The following ZNF738 variants were observed in gnomAD, a reference collection of about 807,000 sequenced individuals.
ZNF738 encodes protein ZNF738.
In ZNF738, 10 loss-of-function variants were observed where a neutral mutation model predicts 9.2. That is an observed-to-expected ratio of 1.09 (90% confidence interval 0.67 to 1.85). The LOEUF is 1.85. Among genes scored for constraint, ZNF738 ranks in the 40% most tolerant of loss-of-function variants. The pLI, the probability that ZNF738 is intolerant of heterozygous loss-of-function variation, is 0.00. For missense variants in ZNF738, 346 were observed against 283.6 expected (o/e 1.22, Z -1.58); for synonymous variants, 113 against 94.5 (o/e 1.20, Z -1.14).
In ZNF738 at chr19:21,361,870, A is replaced by G; in HGVS notation, c.96+12A>G. 1 of 771,028 alleles carries G rather than the reference A, an allele frequency of 1.3e-6. No homozygotes were observed. Among genetic ancestry groups the G allele is most frequent in the Non-Finnish European group, 2.4e-6 (1 of 414,760 alleles). The allele number at this position is 771,028 out of a possible 1,614,324, so 47.8% of individuals were successfully genotyped here. Reference sequence around the variant, plus strand: ...CTTATTTTGAAAAGGTAACCCCTTGATATGTTAAAATTGTCTTTGGGACCA... The same window carrying G: ...CTTATTTTGAAAAGGTAACCCCTTGGTATGTTAAAATTGTCTTTGGGACCA... On this transcript the variant is annotated intron_variant, in intron 2 of 4. Coordinates refer to ENST00000683779, the MANE Select transcript of ZNF738 (RefSeq NM_001355237.2).
In ZNF738 at chr19:21,364,912, A is replaced by ATT. The variant is rs71176864; in HGVS notation, c.96+3080_96+3081dup. On this transcript the variant is annotated intron_variant, in intron 2 of 4. Transcript: ENST00000683779. The stretch of plus-strand genomic sequence containing the variant: ...AGGCATCCACCACCATACCCAGCTA[A>ATT]TTTTTTTTTTTTTTTTTTTTTTTTT... Among the ~76,000 whole-genome samples, 578 of 99,206 alleles carry ATT rather than the reference A, an allele frequency of 5.8e-3. 31 individuals carry two copies. Among genetic ancestry groups the ATT allele is most frequent in the African/African-American group, 0.014 (358 of 25,830 alleles). 65.1% of individuals were successfully genotyped at this position (99,206 alleles called of 152,430 possible). A position where few individuals can be genotyped will look rare whatever the true frequency, so the allele number is the denominator to read the frequency against.
In ZNF738 at chr19:21,359,033, C is replaced by T; in HGVS notation, c.-108C>T. The T allele has an allele frequency of 1.2e-6, 1 of 801,434 alleles. No individual in the cohort carries two copies. 49.6% of individuals were successfully genotyped at this position (801,434 alleles called of 1,614,324 possible). A position where few individuals can be genotyped will look rare whatever the true frequency, so the allele number is the denominator to read the frequency against. On this transcript the variant is annotated 5_prime_UTR_variant, in exon 1 of 5. Coordinates refer to ENST00000683779, the MANE Select transcript of ZNF738 (RefSeq NM_001355237.2). ...CTGCCGCTGGAACTCCGGGTCTCGT[C>T]TTCACTGCTCTGTGTCCTCTGCTCC... is the stretch of plus-strand genomic sequence containing the variant.
intron 2 of ZNF738, among the ~76,000 whole-genome samples, chr19:21,370,575 A>G (rs990293151): frequency 2.6e-5 from 4 of 152,200 alleles, no homozygotes; most frequent in African/African-American, 7.2e-5. Context: ...CGTTATTGGT[A>G]TATTCAGGGA....
At chr19:21,380,909 GC>G (rs1568371128) in intron 4 of ZNF738, among the ~76,000 whole-genome samples, 1 of 152,050 alleles carries the variant, frequency 6.6e-6, no homozygotes, top group African/African-American at 2.4e-5. Flanking sequence ...GCTAAGGAGG[GC>G]ACACTGTTCA....
rs1277841807 is a variant in ZNF738, at chr19:21,388,086, T to C, written c.*4412T>C. ...TAAGGAACTGACACTGCAGATATAC[T>C]AAGTCAAGAGTTCTGAGTATAGAAA... is the stretch of plus-strand genomic sequence containing the variant. On this transcript the variant is annotated 3_prime_UTR_variant, in exon 5 of 5. Transcript: ENST00000683779. 6.6e-6 allele frequency among the ~76,000 whole-genome samples: 1 copy of C among 152,178 alleles called. No homozygotes were observed. The highest frequency in any genetic ancestry group is 1.5e-5 in the Non-Finnish European group (1 of 68,018).
rs939342893 is a variant in ZNF738, at chr19:21,384,113, ATTATC to A, written c.*448_*452del. The A allele has an allele frequency of 2.9e-5, 44 of 1,519,770 alleles. No individual in the cohort carries two copies. In the Middle Eastern group the frequency reaches 5.1e-4, roughly 18 times the overall value. 94.1% of individuals were successfully genotyped at this position (1,519,770 alleles called of 1,614,324 possible). On this transcript the variant is annotated 3_prime_UTR_variant, in exon 5 of 5. Coordinates refer to ENST00000683779, the MANE Select transcript of ZNF738 (RefSeq NM_001355237.2). ...AAGAATGTGGCAAAGCTTTCTACCG[ATTATC>A]TTATCTTACTACACATAAGATGATT...
At chr19:21,361,297 C>T (rs1302917655) in intron 1 of ZNF738, among the ~76,000 whole-genome samples, 4 of 151,678 alleles carry the variant, frequency 2.6e-5, no homozygotes, top group South Asian at 2.1e-4. Context: ...CCAGCCACCA[C>T]GCCCGGCTAA....
In ZNF738 at chr19:21,386,663, A is replaced by G. The variant is rs1974071096; in HGVS notation, c.*2989A>G. ...ATAAGAAAATTCATATTGGAGATTAACCTTATGAGTGTGAAAAATATGGCA... is the reference window on the plus strand; with the variant it reads ...ATAAGAAAATTCATATTGGAGATTAGCCTTATGAGTGTGAAAAATATGGCA... On this transcript the variant is annotated 3_prime_UTR_variant, in exon 5 of 5. Coordinates refer to ENST00000683779, the MANE Select transcript of ZNF738 (RefSeq NM_001355237.2). 3 of 195,658 alleles carry G rather than the reference A, an allele frequency of 1.5e-5. No homozygotes were observed. The South Asian group carries it at 3.1e-4, about 20-fold the overall frequency. 12.1% of individuals were successfully genotyped at this position (195,658 alleles called of 1,614,324 possible).
At chr19:21,364,161 C>CA (rs1389728188) in intron 2 of ZNF738, among the ~76,000 whole-genome samples, 11 of 123,802 alleles carry the variant, frequency 8.9e-5, no homozygotes, top group Admixed American at 4.2e-4. Flanking sequence ...CATGCCACTG[C>CA]ACTCTAGTCT....
chr19:21,378,052 T>G (rs1412903345), intron 4 of ZNF738: 1 of 397,266 alleles, frequency 2.5e-6, no homozygotes, highest in Non-Finnish European at 4.4e-6. Flanking sequence ...CATAAAACCT[T>G]TAAGAGATAC....
At chr19:21,377,127 G>C (rs1568369928) in intron 4 of ZNF738, among the ~76,000 whole-genome samples, 1 of 151,952 alleles carries the variant, frequency 6.6e-6, no homozygotes, top group Non-Finnish European at 1.5e-5. Flanking sequence ...GACCAACATG[G>C]AGAAACCCCA....
Position 21,383,248 on chromosome 19 carries a change from T to C in ZNF738, c.702T>C (p.Cys234=), listed in dbSNP as rs1481671140. ...ATATTAGAGAGAATTCTTACCAATG[T>C]GAAGAATGTGGCAAAGCCTTTAAAT... is the stretch of plus-strand genomic sequence containing the variant. The part of the protein sequence containing the change: ...IIHIRENSYQ[C]EECGKAFKWF... Residue 234 remains cysteine, a synonymous_variant, in exon 5 of 5, where the codon TGT becomes TGC. Coordinates refer to ENST00000683779, the MANE Select transcript of ZNF738 (RefSeq NM_001355237.2). The C allele has an allele frequency of 5.0e-6, 8 of 1,592,210 alleles. No individual in the cohort carries two copies. The highest frequency in any genetic ancestry group is 6.9e-6 in the Non-Finnish European group (8 of 1,162,202).
chr19:21,378,184 C>T, intron 4 of ZNF738: 1 of 366,848 alleles, frequency 2.7e-6, no homozygotes, highest in Non-Finnish European at 4.8e-6. Context: ...TATTTATTAA[C>T]ATGTTTATAA....
intron 1 of ZNF738, among the ~76,000 whole-genome samples, chr19:21,361,149 T>G (rs1599709500): frequency 6.6e-6 from 1 of 151,354 alleles, no homozygotes; most frequent in African/African-American, 2.4e-5. Context: ...GTTTGTTTTT[T>G]GTTTTGAGAC....
At chr19:21,371,833 C>T (rs1315164156) in intron 2 of ZNF738, 2 of 151,968 alleles carry the variant, frequency 1.3e-5, no homozygotes, top group Non-Finnish European at 2.9e-5. Context: ...ATAAAATTAT[C>T]CTAGAAAACT....
chr19:21,359,828 G>A (rs1973658781), intron 1 of ZNF738, among the ~76,000 whole-genome samples: 2 of 152,124 alleles, frequency 1.3e-5, no homozygotes, highest in South Asian at 4.1e-4. Flanking sequence ...AGTGAGCCGA[G>A]ATCGTGCCAC....
At chr19:21,371,144 A>G (rs970249255) in intron 2 of ZNF738, among the ~76,000 whole-genome samples, 1 of 152,226 alleles carries the variant, frequency 6.6e-6, no homozygotes, top group Non-Finnish European at 1.5e-5. Flanking sequence ...ATATTGGAGT[A>G]AAGTATTCTC....
At chr19:21,381,227 T>G (rs1207368587) in intron 4 of ZNF738, 4 of 1,550,214 alleles carry the variant, frequency 2.6e-6, no homozygotes, top group East Asian at 2.2e-5. Flanking sequence ...ATTTCAAATA[T>G]TAAAGCTTTC....
chr19:21,372,987 C>T (rs80274770), intron 2 of ZNF738: 1,599 of 152,196 alleles, frequency 0.011, 18 homozygotes, highest in Non-Finnish European at 0.013. Context: ...GACAAGAGTG[C>T]GGCATGTAAA....
Sources: gnomAD v4.1 joint callset for allele counts (sites outside exome capture counted in the v4.1 genomes callset) on GRCh38, gnomAD v4.1.1 for gene constraint, MANE v1.5 for transcripts, NCBI Gene and HGNC (gene_info 2026-07-23, HGNC 2026-07-21) for gene names.